Variants in CTNND2 observed in about 807,000 individuals in gnomAD.
CTNND2 encodes catenin delta 2, also known as catenin delta-2.
CTNND2 carries 22 observed loss-of-function variants against 144.4 expected under a neutral mutation model. The observed-to-expected ratio is 0.15, with a 90% CI of 0.11 to 0.22. The LOEUF (loss-of-function observed/expected upper bound fraction) is 0.22, where lower values mean the gene tolerates loss of function less well. Ranked by LOEUF, CTNND2 falls within the 10% of genes least tolerant of loss-of-function variation. CTNND2 has a pLI of 1.00. For synonymous variants in CTNND2, 751 were observed against 695.6 expected, an observed-to-expected ratio of 1.08 and a Z score of -1.25; for missense variants, 1,353 against 1,618.8, an observed-to-expected ratio of 0.84 and a Z score of 2.82.
Position 10,973,436 on chromosome 5 carries a change from C to A in CTNND2, c.*17G>T. ...GCATGCACATGCACTGTTCCCGGAG[C>A]GCCTGTGCCCTGCTCCTCACACCCA... On this transcript the variant is annotated 3_prime_UTR_variant, in exon 22 of 22. Coordinates refer to ENST00000304623, the MANE Select transcript of CTNND2 (RefSeq NM_001332.4). This position sits in a 1 kb window ranked among gnomAD's most constrained non-coding sequence, Gnocchi z 5.6. 6.4e-7 allele frequency: 1 copy of A among 1,550,438 alleles called. No homozygotes were observed. Among genetic ancestry groups the A allele is most frequent in the Non-Finnish European group, 8.7e-7 (1 of 1,149,418 alleles).
At chr5:11,569,847 A>G (rs1777419990) in intron 2 of CTNND2, among the ~76,000 whole-genome samples, 1 of 152,118 alleles carries the variant, frequency 6.6e-6, no homozygotes, top group African/African-American at 2.4e-5. Flanking sequence ...GGCCTTTGGG[A>G]GGTGACTAGA....
intron 10 of CTNND2, among the ~76,000 whole-genome samples, chr5:11,226,370 T>C (rs990643214): frequency 6.6e-6 from 1 of 152,214 alleles, no homozygotes; most frequent in South Asian, 2.1e-4. Flanking sequence ...CTGTGTTGTA[T>C]TTCCTCCATA....
intron 15 of CTNND2, among the ~76,000 whole-genome samples, chr5:11,098,258 C>T (rs1316495016): frequency 2.0e-5 from 3 of 152,114 alleles, no homozygotes; most frequent in Non-Finnish European, 4.4e-5. Flanking sequence ...GAAAAAATAT[C>T]AACCTGTCAC....
At chr5:11,193,032 G>A (rs561027919) in intron 11 of CTNND2, among the ~76,000 whole-genome samples, 9 of 152,266 alleles carry the variant, frequency 5.9e-5, no homozygotes, top group African/African-American at 2.2e-4. Context: ...AGGGAGAACT[G>A]ACAATGCAAT....
intron 12 of CTNND2, among the ~76,000 whole-genome samples, chr5:11,155,303 A>G (rs1183395514): frequency 6.6e-6 from 1 of 152,204 alleles, no homozygotes; most frequent in African/African-American, 2.4e-5. Context: ...TCTGAACCTC[A>G]CTCTATATGA....
At chr5:11,815,827 C>T (rs568877283) in intron 1 of CTNND2, among the ~76,000 whole-genome samples, 2 of 152,278 alleles carry the variant, frequency 1.3e-5, no homozygotes, top group South Asian at 4.2e-4. Flanking sequence ...GTGGGGGATT[C>T]AGACACCCCC....
At chr5:11,436,841 C>T (rs1265027577) in intron 3 of CTNND2, among the ~76,000 whole-genome samples, 2 of 152,198 alleles carry the variant, frequency 1.3e-5, no homozygotes, top group Non-Finnish European at 2.9e-5. Flanking sequence ...GAAATAACTA[C>T]AGCACCTCAG....
At chr5:11,590,882 A>G (rs1202300364) in intron 2 of CTNND2, among the ~76,000 whole-genome samples, 1 of 152,242 alleles carries the variant, frequency 6.6e-6, no homozygotes, top group African/African-American at 2.4e-5. Context: ...AAGTGAATAA[A>G]CAGGCTTGTT....
chr5:11,564,642 G>A (rs963828266), intron 3 of CTNND2, among the ~76,000 whole-genome samples: 3 of 151,222 alleles, frequency 2.0e-5, no homozygotes, highest in Admixed American at 6.6e-5. Context: ...TCCCAAACTC[G>A]GAGACTGTGA....
At chr5:11,527,591 G>T (rs1329898372) in intron 3 of CTNND2, among the ~76,000 whole-genome samples, 1 of 152,150 alleles carries the variant, frequency 6.6e-6, no homozygotes, top group Non-Finnish European at 1.5e-5. Flanking sequence ...AAGCAAAGGT[G>T]GAGTCAATGG....
intron 1 of CTNND2, among the ~76,000 whole-genome samples, chr5:11,856,784 T>A (rs1038433269): frequency 1.3e-5 from 2 of 152,202 alleles, no homozygotes; most frequent in African/African-American, 2.4e-5. Context: ...ATAATATTTT[T>A]AAAATATGTA....
intron 9 of CTNND2, among the ~76,000 whole-genome samples, chr5:11,250,541 A>G (rs1202709102): frequency 4.1e-5 from 5 of 121,968 alleles, no homozygotes; most frequent in Admixed American, 9.5e-5. Flanking sequence ...TTTTAGAGAC[A>G]GGGTCTTGCT....
At chr5:11,425,434 T>A (rs1015706273) in intron 3 of CTNND2, among the ~76,000 whole-genome samples, 4 of 152,204 alleles carry the variant, frequency 2.6e-5, no homozygotes, top group Non-Finnish European at 5.9e-5. Context: ...GCATTTAGCA[T>A]CTGATACTTG....
chr5:11,767,360 G>T (rs930803052), intron 1 of CTNND2, among the ~76,000 whole-genome samples: 2 of 152,038 alleles, frequency 1.3e-5, no homozygotes, highest in East Asian at 1.9e-4. Flanking sequence ...GTTGTGTGTG[G>T]GCATGTGTCT....
intron 10 of CTNND2, among the ~76,000 whole-genome samples, chr5:11,226,459 C>T (rs983462412): frequency 7.9e-5 from 12 of 152,090 alleles, no homozygotes; most frequent in African/African-American, 2.7e-4. Context: ...AAGACACACT[C>T]GAGACTAGAT....
Position 11,861,923 on chromosome 5 carries a change from T to C in CTNND2, c.37+41894A>G, listed in dbSNP as rs1200604744. Among the ~76,000 whole-genome samples, 3 of 152,314 alleles carry C rather than the reference T, an allele frequency of 2.0e-5. No homozygotes were observed. In the East Asian group the frequency reaches 5.8e-4, roughly 29 times the overall value. ...GGCTCCCATCCCTATCTTGTTGAAA[T>C]ATTAGCTCAAATGATGTCTTCTCAA... On this transcript the variant is annotated intron_variant, in intron 1 of 21. Coordinates refer to ENST00000304623, the MANE Select transcript of CTNND2 (RefSeq NM_001332.4).
intron 9 of CTNND2, among the ~76,000 whole-genome samples, chr5:11,275,157 C>T (rs1432265745): frequency 5.3e-5 from 8 of 152,152 alleles, no homozygotes. Flanking sequence ...GTATAAATCA[C>T]TTTATTTAAT....
chr5:11,228,616 G>A (rs1249774438), intron 10 of CTNND2, among the ~76,000 whole-genome samples: 1 of 151,674 alleles, frequency 6.6e-6, no homozygotes, highest in Non-Finnish European at 1.5e-5. Context: ...CTGCCAAGTA[G>A]CAGGGACTAC....
At chr5:11,548,941 A>ATAAC (rs1298428275) in intron 3 of CTNND2, among the ~76,000 whole-genome samples, 2 of 152,234 alleles carry the variant, frequency 1.3e-5, no homozygotes, top group African/African-American at 4.8e-5. Context: ...GCCAAACATA[A>ATAAC]TAACTGTTTA....
Sources: allele counts gnomAD v4.1 joint callset (sites outside exome capture counted in the v4.1 genomes callset), GRCh38; gene constraint gnomAD v4.1.1; non-coding constraint Gnocchi (gnomAD v3.1); transcripts MANE v1.5; gene names NCBI Gene and HGNC (gene_info 2026-07-23, HGNC 2026-07-21).